TEKTL1: variants seen among roughly 807,000 people sequenced by gnomAD.
The protein encoded by TEKTL1 is tektin-like protein 1.
At chr19:15,014,159 T>C in the TEKTL1 span, among the ~76,000 whole-genome samples, 1 of 152,176 alleles carries the variant, frequency 6.6e-6, no homozygotes, top group African/African-American at 2.4e-5. Context: ...AGAGTCTAGC[T>C]CTTTGCACTC....
At chr19:15,021,993 AC>A in the TEKTL1 span, 1 of 1,171,784 alleles carries the variant, frequency 8.5e-7, no homozygotes, top group Non-Finnish European at 1.2e-6. Context: ...GCACATCTGG[AC>A]CAGGTATGAT....
At chr19:15,014,731 C>CGGGGGGGGGGGG in the TEKTL1 span, among the ~76,000 whole-genome samples, 1 of 11,778 alleles carries the variant, frequency 8.5e-5, no homozygotes, top group African/African-American at 4.5e-4. Context: ...AGTGGGGGGG[C>CGGGGGGGGGGGG]GGGGGGCGGG....
the TEKTL1 span, among the ~76,000 whole-genome samples, chr19:15,019,376 C>T: frequency 2.0e-5 from 3 of 152,070 alleles, no homozygotes; most frequent in Non-Finnish European, 4.4e-5. Flanking sequence ...GAAAAGAATA[C>T]GTTTTAAATG....
chr19:15,013,725 C>T, the TEKTL1 span: 6 of 1,613,706 alleles, frequency 3.7e-6, no homozygotes, highest in Non-Finnish European at 4.2e-6. Flanking sequence ...AGCTGAAAAG[C>T]ATGAAGAGGA....
chr19:15,010,962 T>C, the TEKTL1 span: 2 of 1,593,220 alleles, frequency 1.3e-6, no homozygotes, highest in Non-Finnish European at 8.5e-7. Context: ...GCGGTGACCA[T>C]GTGGCAGCCC....
At chr19:15,013,607 T>C in the TEKTL1 span, 1 of 1,278,566 alleles carries the variant, frequency 7.8e-7, no homozygotes, top group Non-Finnish European at 1.1e-6. Flanking sequence ...TCTACCACCC[T>C]GGAAAGAGGA....
the TEKTL1 span, chr19:15,011,001 C>T: frequency 1.9e-6 from 3 of 1,588,884 alleles, no homozygotes; most frequent in Non-Finnish European, 2.6e-6. Flanking sequence ...CCGAACGTGG[C>T]CCACCACCTC....
the TEKTL1 span, among the ~76,000 whole-genome samples, chr19:15,018,715 A>ATATATATATATATATATATATATAT: frequency 4.4e-5 from 3 of 68,296 alleles, no homozygotes; most frequent in South Asian, 4.0e-4. Flanking sequence ...CCTATCTCAA[A>ATATATATATATATATATATATATAT]ATATGTATAT....
chr19:15,013,803 G>A, the TEKTL1 span: 176 of 1,436,640 alleles, frequency 1.2e-4, no homozygotes, highest in South Asian at 1.3e-3. Flanking sequence ...GACAAGTTAC[G>A]GGGGCTGGAG....
the TEKTL1 span, among the ~76,000 whole-genome samples, chr19:15,019,897 G>A: frequency 9.9e-5 from 15 of 151,686 alleles, no homozygotes; most frequent in Non-Finnish European, 2.2e-4. Flanking sequence ...AGCCCAGGAG[G>A]TTGAGGCTGC....
the TEKTL1 span, among the ~76,000 whole-genome samples, chr19:15,020,010 AT>A: frequency 3.2e-5 from 4 of 126,194 alleles, no homozygotes; most frequent in African/African-American, 5.9e-5. Context: ...CTTTACCAGT[AT>A]CAAAAAAAAA....
the TEKTL1 span, chr19:15,011,504 C>G: frequency 2.4e-5 from 23 of 975,944 alleles, no homozygotes; most frequent in Non-Finnish European, 3.1e-5. Context: ...GAGGCCAAGG[C>G]TGGTTGATCA....
chr19:15,010,872 T>C, the TEKTL1 span: 12 of 1,557,458 alleles, frequency 7.7e-6, no homozygotes, highest in African/African-American at 1.2e-4. Context: ...GACACACGCG[T>C]TGGGGCCCCA....
chr19:15,011,096 G>GA, the TEKTL1 span: 1 of 1,568,010 alleles, frequency 6.4e-7, no homozygotes, highest in Non-Finnish European at 8.6e-7. Context: ...GCCGCCAGGC[G>GA]AGGGCGTCAC....
At chr19:15,012,445 G>T in the TEKTL1 span, among the ~76,000 whole-genome samples, 1 of 152,116 alleles carries the variant, frequency 6.6e-6, no homozygotes, top group Non-Finnish European at 1.5e-5. Flanking sequence ...CATGCCTCTA[G>T]TCCCAGCTAC....
At chr19:15,011,374 C>T in the TEKTL1 span, 2 of 1,444,348 alleles carry the variant, frequency 1.4e-6, no homozygotes, top group Non-Finnish European at 1.8e-6. Flanking sequence ...AGCTGCGGGG[C>T]TACAGGCCCA....
the TEKTL1 span, chr19:15,021,687 G>A: frequency 5.6e-6 from 9 of 1,613,988 alleles, no homozygotes; most frequent in Non-Finnish European, 6.8e-6. Context: ...ACCAAGAGTT[G>A]TACACCACCC....
the TEKTL1 span, among the ~76,000 whole-genome samples, chr19:15,014,351 C>T: frequency 6.6e-6 from 1 of 152,168 alleles, no homozygotes; most frequent in Non-Finnish European, 1.5e-5. Flanking sequence ...TTGATAAATA[C>T]TAATCTGGTA....
chr19:15,020,447 C>T, the TEKTL1 span: 1 of 1,610,296 alleles, frequency 6.2e-7, no homozygotes, highest in South Asian at 1.1e-5. Context: ...TCTTCTCCTC[C>T]CCTCCCCACC....
Sources: gnomAD v4.1 joint callset for allele counts (sites outside exome capture counted in the v4.1 genomes callset) on GRCh38, gnomAD v4.1.1 for gene constraint, MANE v1.5 for transcripts, NCBI Gene and HGNC (gene_info 2026-07-23, HGNC 2026-07-21) for gene names.